Variants in CTNNA3 observed in about 807,000 individuals in gnomAD.
CTNNA3 encodes the protein catenin alpha-3.
CTNNA3 carries 76 observed loss-of-function variants against 95.7 expected under a neutral mutation model. The ratio of observed to expected loss-of-function variants is 0.79; its 90% confidence interval spans 0.66 to 0.96. The LOEUF is 0.96. CTNNA3 is among the 40% of genes least tolerant of loss of function. CTNNA3 has a pLI of 0.00. For synonymous variants in CTNNA3, 431 were observed against 374.4 expected, an observed-to-expected ratio of 1.15 and a Z score of -1.74; for missense variants, 1,191 against 1,089.8, an observed-to-expected ratio of 1.09 and a Z score of -1.31.
In CTNNA3 at chr10:66,250,990, T is replaced by C. The variant is rs915643569; in HGVS notation, c.1884+29480A>G. The stretch of plus-strand genomic sequence containing the variant: ...ATGTTCTATACCTCTCATATTGCCC[T>C]GCCTTGTAGACCATTGATTATTCCA... On this transcript the variant is annotated intron_variant, in intron 13 of 17. Transcript: ENST00000433211. Among the ~76,000 whole-genome samples, 8 of 152,312 alleles carry C rather than the reference T, an allele frequency of 5.3e-5. No homozygotes were observed. In the South Asian group the frequency reaches 1.2e-3, roughly 24 times the overall value.
intron 1 of CTNNA3, among the ~76,000 whole-genome samples, chr10:67,660,116 A>C (rs56090468): frequency 0.22 from 33,545 of 152,046 alleles, 7,279 homozygotes; most frequent in African/African-American, 0.57. Context: ...TTCTGTCATA[A>C]TCCTTGAAGA....
chr10:66,024,763 C>T (rs2079302908), intron 15 of CTNNA3, among the ~76,000 whole-genome samples: 1 of 152,118 alleles, frequency 6.6e-6, no homozygotes. Flanking sequence ...TAATCTATGA[C>T]AAGCCTGAAA....
intron 7 of CTNNA3, among the ~76,000 whole-genome samples, chr10:66,953,581 G>GC (rs550458092): frequency 3.2e-4 from 48 of 151,898 alleles, no homozygotes; most frequent in African/African-American, 1.2e-3. Flanking sequence ...CATGGGTTTT[G>GC]TTTTTTTCTA....
chr10:66,314,498 T>C (rs1353965448), intron 12 of CTNNA3, among the ~76,000 whole-genome samples: 1 of 152,092 alleles, frequency 6.6e-6, no homozygotes, highest in East Asian at 1.9e-4. Context: ...TTTTTCCTTT[T>C]CTTCTTCTCT....
chr10:67,587,729 T>C (rs1265581742), intron 3 of CTNNA3, among the ~76,000 whole-genome samples: 1 of 152,200 alleles, frequency 6.6e-6, no homozygotes, highest in Admixed American at 6.5e-5. Context: ...CTGAGCTTCC[T>C]GTATCTGGAT....
At chr10:66,022,072 G>A (rs1281898208) in intron 15 of CTNNA3, among the ~76,000 whole-genome samples, 1 of 151,808 alleles carries the variant, frequency 6.6e-6, no homozygotes, top group Non-Finnish European at 1.5e-5. Context: ...TGCCAAGGCT[G>A]TTCTCAAACT....
At chr10:67,175,987 G>A (rs771999589) in intron 7 of CTNNA3, among the ~76,000 whole-genome samples, 1 of 152,038 alleles carries the variant, frequency 6.6e-6, no homozygotes, top group Non-Finnish European at 1.5e-5. Context: ...GATGAACTAG[G>A]TCTAACCAGT....
At chr10:66,303,306 GA>G (rs934674072) in intron 12 of CTNNA3, among the ~76,000 whole-genome samples, 245 of 151,674 alleles carry the variant, frequency 1.6e-3, no homozygotes, top group Non-Finnish European at 2.1e-3. Context: ...TATTCTGGAA[GA>G]AAAAAAAGAA....
At chr10:67,282,423 C>T (rs1167248612) in intron 5 of CTNNA3, among the ~76,000 whole-genome samples, 1 of 152,094 alleles carries the variant, frequency 6.6e-6, no homozygotes, top group East Asian at 1.9e-4. Context: ...TAGGAAAAGG[C>T]TTCTCAAGGG....
chr10:66,343,638 G>T (rs1271638514), intron 12 of CTNNA3, among the ~76,000 whole-genome samples: 3 of 151,972 alleles, frequency 2.0e-5, no homozygotes, highest in Non-Finnish European at 4.4e-5. Context: ...AGCTAGATAG[G>T]AGGAGTAAGT....
intron 10 of CTNNA3, among the ~76,000 whole-genome samples, chr10:66,542,042 GA>G (rs1444983418): frequency 2.0e-5 from 3 of 151,682 alleles, no homozygotes; most frequent in Non-Finnish European, 4.4e-5. Context: ...AAATTTACAA[GA>G]AAAAAACAAA....
chr10:67,112,892 T>C (rs1347420920), intron 7 of CTNNA3, among the ~76,000 whole-genome samples: 1 of 151,996 alleles, frequency 6.6e-6, no homozygotes, highest in African/African-American at 2.4e-5. Context: ...AAAAAAAACA[T>C]GTGAGTAATG....
chr10:67,672,475 G>A (rs1430612714), intron 1 of CTNNA3, among the ~76,000 whole-genome samples: 1 of 152,124 alleles, frequency 6.6e-6, no homozygotes, highest in Non-Finnish European at 1.5e-5. Context: ...TTTTCTTCTA[G>A]GGTTTTTATG....
intron 5 of CTNNA3, among the ~76,000 whole-genome samples, chr10:67,498,789 C>A (rs1160715357): frequency 6.6e-6 from 1 of 152,108 alleles, no homozygotes; most frequent in African/African-American, 2.4e-5. Flanking sequence ...GATTTTGTAT[C>A]CTGAGACTTT....
intron 5 of CTNNA3, among the ~76,000 whole-genome samples, chr10:67,313,007 A>G (rs1422217018): frequency 1.3e-5 from 2 of 152,162 alleles, no homozygotes; most frequent in Admixed American, 6.5e-5. Context: ...TACTACCTTC[A>G]TGTTCATTCC....
chr10:66,952,278 T>C (rs1163417770), intron 7 of CTNNA3, among the ~76,000 whole-genome samples: 1 of 152,150 alleles, frequency 6.6e-6, no homozygotes, highest in Non-Finnish European at 1.5e-5. Flanking sequence ...CCCAGATGCA[T>C]ACAAAAGTTC....
chr10:65,935,610 A>G (rs533690326), intron 17 of CTNNA3, among the ~76,000 whole-genome samples: 2 of 152,272 alleles, frequency 1.3e-5, no homozygotes, highest in East Asian at 3.9e-4. Context: ...AAATGTGGTG[A>G]ATGCTAATGT....
intron 9 of CTNNA3, among the ~76,000 whole-genome samples, chr10:66,683,141 C>G (rs1227667238): frequency 2.6e-5 from 4 of 152,112 alleles, no homozygotes; most frequent in Non-Finnish European, 4.4e-5. Flanking sequence ...TAAGGTGATA[C>G]CAGTGTGTGC....
intron 13 of CTNNA3, among the ~76,000 whole-genome samples, chr10:66,116,283 T>C (rs2133799898): frequency 6.6e-6 from 1 of 152,284 alleles, no homozygotes; most frequent in South Asian, 2.1e-4. Context: ...ACAAACTTAA[T>C]GTGGAGAATT....
Sources: allele counts gnomAD v4.1 joint callset (sites outside exome capture counted in the v4.1 genomes callset), GRCh38; gene constraint gnomAD v4.1.1; transcripts MANE v1.5; gene names NCBI Gene and HGNC (gene_info 2026-07-23, HGNC 2026-07-21).